TMEM260: variants seen among roughly 807,000 people sequenced by gnomAD.
The protein encoded by TMEM260 is protein O-mannosyl-transferase TMEM260.
A neutral mutation model predicts 88.9 loss-of-function variants in TMEM260; 82 were observed. The observed-to-expected ratio is 0.92, with a 90% CI of 0.77 to 1.11. The LOEUF (loss-of-function observed/expected upper bound fraction) is 1.11, where lower values mean the gene tolerates loss of function less well. Ranked by LOEUF, TMEM260 falls within the 50% of genes least tolerant of loss-of-function variation. The pLI is 0.00. For missense variants in TMEM260, 902 were observed against 853.4 expected, an observed-to-expected ratio of 1.06 and a Z score of -0.71; for synonymous variants, 314 against 309.3, an observed-to-expected ratio of 1.02 and a Z score of -0.16.
intron 8 of TMEM260, 91 bp downstream of exon 8, chr14:56,616,118 T>TAAAA: frequency 1.1e-6 from 1 of 900,204 alleles, no homozygotes; most frequent in Non-Finnish European, 1.8e-6. Flanking sequence ...ATTGCCAGTA[T>TAAAA]TATTTTATAC....
intron 4 of TMEM260, 24 bp from the exon 5 acceptor site, chr14:56,605,545 AT>A (rs59106153): frequency 7.3e-3 from 8,357 of 1,147,598 alleles, no homozygotes; most frequent in Non-Finnish European, 8.2e-3. Flanking sequence ...TTTTTACTTA[AT>A]TTTTTTTTTT....
intron 12 of TMEM260, among the ~76,000 whole-genome samples, chr14:56,627,694 T>G (rs1888325876): frequency 6.6e-6 from 1 of 152,228 alleles, no homozygotes; most frequent in Non-Finnish European, 1.5e-5. Flanking sequence ...CATATGAAAG[T>G]TATCTAAATG....
chr14:56,604,971 T>C (rs1886805759), intron 4 of TMEM260, among the ~76,000 whole-genome samples: 2 of 152,170 alleles, frequency 1.3e-5, no homozygotes, highest in African/African-American at 4.8e-5. Flanking sequence ...TGATCAGATA[T>C]TGAGAATTAG....
At chr14:56,657,391 C>T in the TMEM260 span, among the ~76,000 whole-genome samples, 2 of 152,206 alleles carry the variant, frequency 1.3e-5, no homozygotes, top group Non-Finnish European at 2.9e-5. Context: ...ATCCTGTCAC[C>T]TCAGCCTCCT....
chr14:56,593,994 T>G (rs888067957), intron 3 of TMEM260, among the ~76,000 whole-genome samples: 4 of 152,316 alleles, frequency 2.6e-5, no homozygotes, highest in African/African-American at 9.6e-5. Context: ...GCCGTGAGTG[T>G]CTTTTATAAT....
intron 3 of TMEM260, among the ~76,000 whole-genome samples, chr14:56,600,235 C>T: frequency 6.6e-6 from 1 of 152,160 alleles, no homozygotes; most frequent in East Asian, 1.9e-4. Flanking sequence ...TATGGACGTA[C>T]ACATGACTTT....
At chr14:56,623,790 T>C (rs1474047206) in intron 11 of TMEM260, among the ~76,000 whole-genome samples, 2 of 152,224 alleles carry the variant, frequency 1.3e-5, no homozygotes, top group Non-Finnish European at 2.9e-5. Context: ...ATTTACAGTT[T>C]AGACTTAGAT....
intron 11 of TMEM260, among the ~76,000 whole-genome samples, chr14:56,624,998 G>A (rs906830411): frequency 1.8e-4 from 28 of 152,284 alleles, no homozygotes; most frequent in Admixed American, 1.3e-3. Context: ...TTCACAATAG[G>A]TTCACACTCC....
intron 3 of TMEM260, among the ~76,000 whole-genome samples, chr14:56,597,877 A>G (rs1297450175): frequency 6.6e-6 from 1 of 152,230 alleles, no homozygotes; most frequent in African/African-American, 2.4e-5. Flanking sequence ...TTAATTAACT[A>G]GGTAGATAAT....
chr14:56,650,206 T>C, downstream of TMEM260: 2 of 398,952 alleles, frequency 5.0e-6, no homozygotes, highest in Admixed American at 3.1e-5. Flanking sequence ...GTGCCATGGT[T>C]TGGCAGGAAG....
At chr14:56,615,751 G>A (rs1458002211) in intron 7 of TMEM260, 193 bp from the exon 8 acceptor site, 1 of 521,558 alleles carries the variant, frequency 1.9e-6, no homozygotes, top group Non-Finnish European at 3.4e-6. Context: ...TGTTACCATT[G>A]GAAAACGTCT....
intron 15 of TMEM260, 73 bp from the exon 16 acceptor site, chr14:56,647,170 G>A: frequency 1.3e-6 from 2 of 1,484,772 alleles, no homozygotes; most frequent in Admixed American, 4.7e-5. Flanking sequence ...TAATTCCTCT[G>A]TGTTTTTTTG....
intron 3 of TMEM260, among the ~76,000 whole-genome samples, chr14:56,602,220 C>T (rs1316849107): frequency 6.6e-6 from 1 of 151,892 alleles, no homozygotes; most frequent in Non-Finnish European, 1.5e-5. Context: ...GGCTAAAAAC[C>T]TAGGAATTGA....
At chr14:56,606,766 G>A (rs1054963230) in intron 5 of TMEM260, among the ~76,000 whole-genome samples, 1 of 152,158 alleles carries the variant, frequency 6.6e-6, no homozygotes, top group Admixed American at 6.5e-5. Flanking sequence ...TTGGCAGTGT[G>A]CGCCTGTAGT....
At chr14:56,599,077 T>G (rs1033162719) in intron 3 of TMEM260, among the ~76,000 whole-genome samples, 2 of 152,174 alleles carry the variant, frequency 1.3e-5, no homozygotes, top group African/African-American at 4.8e-5. Context: ...TTCATTCATT[T>G]CATTAATGGC....
Position 56,617,266 on chromosome 14 carries a change from T to G in TMEM260, c.1025T>G (p.Leu342Ter), listed in dbSNP as rs1399072000. Reference protein sequence around the residue: ...YSLFFAWRANLDISKPLFMGV... With the variant: ...YSLFFAWRAN ...TTGTTCTTTGCTTGGAGAGCAAATTTAGATATTTCAAAACCACTTTTCATG... is the reference window on the plus strand; with the variant it reads ...TTGTTCTTTGCTTGGAGAGCAAATTGAGATATTTCAAAACCACTTTTCATG... Residue 342 changes from leucine (L) to a stop codon, truncating the protein, a stop_gained, in exon 9 of 16, where the codon TTA (leucine) becomes TGA (stop). Coordinates refer to ENST00000261556, the MANE Select transcript of TMEM260 (RefSeq NM_017799.4). LOFTEE classifies it high-confidence loss of function. The G allele has an allele frequency of 1.9e-6, 3 of 1,601,380 alleles. No homozygotes were observed. Among genetic ancestry groups the G allele is most frequent in the Non-Finnish European group, 2.6e-6 (3 of 1,175,326 alleles).
At chr14:56,630,419 C>A (rs1888513395) in intron 12 of TMEM260, among the ~76,000 whole-genome samples, 1 of 151,956 alleles carries the variant, frequency 6.6e-6, no homozygotes, top group Admixed American at 6.6e-5. Context: ...CCCACAGATG[C>A]CTGAACTCTT....
downstream of TMEM260, among the ~76,000 whole-genome samples, chr14:56,655,491 T>G (rs1890284949): frequency 6.6e-6 from 1 of 152,144 alleles, no homozygotes; most frequent in South Asian, 2.1e-4. Flanking sequence ...ACATAAGCCA[T>G]GCTGCATGCA....
At chr14:56,605,827 T>A (rs1386004759) in intron 5 of TMEM260, 144 bp downstream of exon 5, 2 of 491,728 alleles carry the variant, frequency 4.1e-6, no homozygotes, top group African/African-American at 4.0e-5. Flanking sequence ...CAATATTGAC[T>A]GAAAAAAATA....
Sources: gnomAD v4.1 joint callset for allele counts (sites outside exome capture counted in the v4.1 genomes callset) on GRCh38, gnomAD v4.1.1 for gene constraint, MANE v1.5 for transcripts, NCBI Gene and HGNC (gene_info 2026-07-23, HGNC 2026-07-21) for gene names.